Variants in STPG1 observed in about 807,000 individuals in gnomAD.
STPG1 encodes sperm tail PG-rich repeat containing 1, also known as O(6)-methylguanine-induced apoptosis 2.
In STPG1, 33 loss-of-function variants were observed where a neutral mutation model predicts 40.1. The observed-to-expected ratio is 0.82, with a 90% CI of 0.62 to 1.10. The LOEUF (loss-of-function observed/expected upper bound fraction) is 1.10, where lower values mean the gene tolerates loss of function less well. STPG1 is among the 50% of genes least tolerant of loss of function. The pLI is 0.00. For synonymous variants in STPG1, 150 were observed against 155.0 expected (o/e 0.97, Z 0.24); for missense variants, 396 against 415.1 (o/e 0.95, Z 0.40).
At chr1:24,362,014 C>G (rs1641152896) in intron 7 of STPG1, among the ~76,000 whole-genome samples, 1 of 152,216 alleles carries the variant, frequency 6.6e-6, no homozygotes, top group Non-Finnish European at 1.5e-5. Context: ...CCTTCTGGCT[C>G]ACACCCAAGG....
At chr1:24,412,411 C>T (rs903739002) in intron 1 of STPG1, among the ~76,000 whole-genome samples, 3 of 152,222 alleles carry the variant, frequency 2.0e-5, no homozygotes, top group African/African-American at 7.2e-5. Flanking sequence ...GAAGCACCAA[C>T]CCATCTCTCT....
Position 24,382,053 on chromosome 1 carries a change from G to A in STPG1, c.291+1849C>T, listed in dbSNP as rs551272471. Among the ~76,000 whole-genome samples, 36 of 152,316 alleles carry A rather than the reference G, an allele frequency of 2.4e-4. 1 individual carries two copies. Among genetic ancestry groups the A allele is most frequent in the African/African-American group, 8.7e-4 (36 of 41,582 alleles). ...GGGAGGAGAGGGGGAAGCCTGAGCA[G>A]CTCAAAGTCTGCCTTCTTTAGGGTT... On this transcript the variant is annotated intron_variant, in intron 4 of 8. Coordinates refer to ENST00000337248, the MANE Select transcript of STPG1 (RefSeq NM_001199013.2).
intron 1 of STPG1, among the ~76,000 whole-genome samples, chr1:24,404,389 C>T (rs1643339367): frequency 6.6e-6 from 1 of 152,080 alleles, no homozygotes; most frequent in Admixed American, 6.5e-5. Flanking sequence ...CTGTAGCTTT[C>T]CTTTTCATTT....
intron 5 of STPG1, among the ~76,000 whole-genome samples, chr1:24,377,691 C>T (rs980121789): frequency 1.2e-4 from 18 of 152,150 alleles, no homozygotes; most frequent in Non-Finnish European, 2.5e-4. Flanking sequence ...TTTCTGAATT[C>T]CCCACTGGAA....
chr1:24,380,660 C>T (rs1405775650), intron 4 of STPG1, among the ~76,000 whole-genome samples: 1 of 152,198 alleles, frequency 6.6e-6, no homozygotes, highest in Non-Finnish European at 1.5e-5. Context: ...CCCTACTTCA[C>T]TCTGTGCTTG....
intron 5 of STPG1, among the ~76,000 whole-genome samples, chr1:24,376,145 C>T (rs527615238): frequency 3.9e-5 from 6 of 152,130 alleles, no homozygotes; most frequent in African/African-American, 1.2e-4. Flanking sequence ...CTCAGCCTCC[C>T]GAGTAGCTGG....
intron 5 of STPG1, among the ~76,000 whole-genome samples, chr1:24,376,043 T>TG (rs146746416): frequency 0.017 from 2,562 of 152,250 alleles, 76 homozygotes; most frequent in African/African-American, 0.059. Context: ...TGTTTTGAGA[T>TG]GGGGTCTCAC....
chr1:24,370,531 G>A lies in STPG1; in HGVS notation c.572-692C>T, dbSNP rs529021803. ...TTTTGAGACAGAGTCTCGCTCTGTC[G>A]CCCAGGCTGGAGTGCAGTGGCGTGA... On this transcript the variant is annotated intron_variant, in intron 6 of 8. Coordinates refer to ENST00000337248, the MANE Select transcript of STPG1 (RefSeq NM_001199013.2). 9.2e-5 allele frequency among the ~76,000 whole-genome samples: 14 copies of A among 151,722 alleles called. 1 individual carries two copies. In the East Asian group the frequency reaches 1.6e-3, roughly 17 times the overall value.
rs776814852 is a variant in STPG1, at chr1:24,383,900, A to G, written c.291+2T>C. On this transcript the variant is annotated splice_donor_variant, in intron 4 of 8. Coordinates refer to ENST00000337248, the MANE Select transcript of STPG1 (RefSeq NM_001199013.2). LOFTEE classifies it high-confidence loss of function. The stretch of plus-strand genomic sequence containing the variant: ...GCTTTACTCAAGAGAAGTGGTTCTC[A>G]CCATTGAGGGAAACATGCAAGTTCC... 1 of 1,593,962 alleles carries G rather than the reference A, an allele frequency of 6.3e-7. No homozygotes were observed. Among genetic ancestry groups the G allele is most frequent in the Admixed American group, 1.7e-5 (1 of 59,990 alleles).
intron 6 of STPG1, among the ~76,000 whole-genome samples, chr1:24,372,399 C>T (rs1641794024): frequency 6.6e-6 from 1 of 152,144 alleles, no homozygotes. Context: ...CCACGGGGAG[C>T]TTAACAGATG....
chr1:24,369,768 T>C lies in STPG1; in HGVS notation c.643A>G (p.Thr215Ala), dbSNP rs1202946096. ...GACGTCAGTTTTAATCCACGGTTGG[T>C]TTTTGATTTAAAACAAGACATTAAT... ...NTLMSCFKSKTNRGLKLTSTG... is the reference protein window; with the variant it reads ...NTLMSCFKSKANRGLKLTSTG... The change falls in exon 7 of 9, where the codon ACC becomes GCC. Residue 215 changes from threonine to alanine, a missense_variant. Coordinates refer to ENST00000337248, the MANE Select transcript of STPG1 (RefSeq NM_001199013.2). 1 of 1,613,182 alleles carries C rather than the reference T, an allele frequency of 6.2e-7. No individual in the cohort carries two copies. The highest frequency in any genetic ancestry group is 1.3e-5 in the African/African-American group (1 of 75,006).
intron 7 of STPG1, chr1:24,369,163 A>T (rs1272679030): frequency 2.8e-6 from 1 of 361,432 alleles, no homozygotes; most frequent in Non-Finnish European, 5.6e-6. Context: ...AGGTATCACC[A>T]ACTCGAAAGT....
At chr1:24,393,554 T>C (rs1642868433) in intron 2 of STPG1, among the ~76,000 whole-genome samples, 1 of 152,048 alleles carries the variant, frequency 6.6e-6, no homozygotes, top group Admixed American at 6.5e-5. Flanking sequence ...GACATTCTCC[T>C]GGGGAAAGGA....
rs185690550 is a variant in STPG1, at chr1:24,412,868, T to C, written c.-69+806A>G. Among the ~76,000 whole-genome samples, 829 of 152,340 alleles carry C rather than the reference T, an allele frequency of 5.4e-3. 3 individuals are homozygous for C. Among genetic ancestry groups the C allele is most frequent in the Non-Finnish European group, 9.6e-3 (651 of 68,022 alleles). On this transcript the variant is annotated intron_variant, in intron 1 of 8. Coordinates refer to ENST00000337248, the MANE Select transcript of STPG1 (RefSeq NM_001199013.2). ...TTAGATTCTACAAGGACAGCTCACATGATCACAACTATAGGCACAGTTTCA... is the reference window on the plus strand; with the variant it reads ...TTAGATTCTACAAGGACAGCTCACACGATCACAACTATAGGCACAGTTTCA...
intron 3 of STPG1, among the ~76,000 whole-genome samples, chr1:24,386,252 C>T (rs1642498830): frequency 1.3e-5 from 2 of 152,248 alleles, no homozygotes; most frequent in African/African-American, 4.8e-5. Flanking sequence ...TTTGCTGAAG[C>T]TCACAACTTT....
intron 2 of STPG1, chr1:24,392,023 C>T (rs1277339621): frequency 1.9e-5 from 20 of 1,050,042 alleles, no homozygotes; most frequent in African/African-American, 5.2e-5. Context: ...GCAGCCTGGA[C>T]GAGGCGCGGT....
intron 6 of STPG1, among the ~76,000 whole-genome samples, chr1:24,371,200 C>T (rs543197680): frequency 3.2e-4 from 49 of 152,290 alleles, no homozygotes; most frequent in Admixed American, 1.5e-3. Flanking sequence ...TAAGACAATA[C>T]TGGCTCCTTA....
chr1:24,365,248 G>A (rs1354493412), intron 7 of STPG1, among the ~76,000 whole-genome samples: 2 of 152,104 alleles, frequency 1.3e-5, no homozygotes, highest in East Asian at 1.9e-4. Context: ...ACAAGACAGC[G>A]TGTCTGTGCA....
chr1:24,383,988 G>C lies in STPG1; in HGVS notation c.205C>G (p.Pro69Ala). 3.1e-6 allele frequency: 5 copies of C among 1,612,000 alleles called. No individual in the cohort carries two copies. The highest frequency in any genetic ancestry group is 4.2e-6 in the Non-Finnish European group (5 of 1,178,028). ...TGGTGAATAACATTGTAGAACCCAG[G>C]TCCTGGGATATCATTCTGAAAGGGA... ...FPHKKNDIPGPGFYNVIHQSP... is the reference protein window; with the variant it reads ...FPHKKNDIPGAGFYNVIHQSP... The change falls in exon 4 of 9, where the codon CCT becomes GCT. Residue 69 changes from proline to alanine, a missense_variant. Physicochemically the swap from Pro to Ala is conservative, Grantham distance 27 (BLOSUM62 -1). Transcript: ENST00000337248.
Sources: gnomAD v4.1 joint callset for allele counts (sites outside exome capture counted in the v4.1 genomes callset) on GRCh38, gnomAD v4.1.1 for gene constraint, MANE v1.5 for transcripts, NCBI Gene and HGNC (gene_info 2026-07-23, HGNC 2026-07-21) for gene names.